Variants in ADIPOR2 observed in about 807,000 individuals in gnomAD.
ADIPOR2 encodes the protein adiponectin receptor protein 2.
A neutral mutation model predicts 40.9 loss-of-function variants in ADIPOR2; 18 were observed. The observed-to-expected ratio is 0.44, with a 90% CI of 0.30 to 0.65. ADIPOR2 has a LOEUF of 0.65. Among genes scored for constraint, ADIPOR2 ranks in the 30% least tolerant of loss-of-function variants. The pLI is 0.09. For missense variants in ADIPOR2, 283 were observed against 479.2 expected (o/e 0.59, Z 3.82); for synonymous variants, 165 against 166.4 (o/e 0.99, Z 0.06).
chr12:1,754,494 C>T lies in ADIPOR2; in HGVS notation c.151C>T (p.Leu51=). ...GGAGCCCATTTTAGAGGCATCTGTTCTATCTTCCCATCATAAAAAAGTAAG... is the reference window on the plus strand; with the variant it reads ...GGAGCCCATTTTAGAGGCATCTGTTTTATCTTCCCATCATAAAAAAGTAAG... ...DLEPILEASV[L]SSHHKKSSEE... is the part of the protein sequence containing the mutation. Residue 51 remains leucine (L), a synonymous_variant, in exon 2 of 8, where the codon CTA becomes TTA. Transcript: ENST00000357103. The T allele has an allele frequency of 1.2e-6, 2 of 1,607,714 alleles. No homozygotes were observed. The highest frequency in any genetic ancestry group is 1.3e-5 in the African/African-American group (1 of 74,658).
chr12:1,708,711 T>C (rs373454161), intron 1 of ADIPOR2, among the ~76,000 whole-genome samples: 6 of 152,140 alleles, frequency 3.9e-5, no homozygotes, highest in South Asian at 2.1e-4. Context: ...TGCATTGATT[T>C]GTATACCTAT....
intron 1 of ADIPOR2, among the ~76,000 whole-genome samples, chr12:1,723,547 G>A (rs192442988): frequency 2.4e-4 from 37 of 151,798 alleles, no homozygotes; most frequent in African/African-American, 7.7e-4. Flanking sequence ...GGAGACTGTC[G>A]GAAGAATTGC....
chr12:1,706,944 C>T (rs1283847446), intron 1 of ADIPOR2, among the ~76,000 whole-genome samples: 1 of 152,114 alleles, frequency 6.6e-6, no homozygotes, highest in Admixed American at 6.6e-5. Context: ...GGGCCAGGAT[C>T]ACACCACTGC....
chr12:1,725,208 G>A (rs771939306), intron 1 of ADIPOR2, among the ~76,000 whole-genome samples: 12 of 151,108 alleles, frequency 7.9e-5, no homozygotes, highest in African/African-American at 2.4e-4. Flanking sequence ...TGCAGCCTCC[G>A]CCTCCTGGGT....
At chr12:1,757,380 C>G in intron 2 of ADIPOR2, 1 of 717,048 alleles carries the variant, frequency 1.4e-6, no homozygotes, top group South Asian at 1.6e-5. Flanking sequence ...AAAGCTGTTT[C>G]CATTGGCATC....
At chr12:1,743,691 A>G (rs546771263) in intron 1 of ADIPOR2, among the ~76,000 whole-genome samples, 3 of 152,256 alleles carry the variant, frequency 2.0e-5, no homozygotes, top group Admixed American at 6.5e-5. Flanking sequence ...AAAAACCCAT[A>G]CAACTCAAAT....
At chr12:1,773,880 A>G (rs1045332721) in intron 3 of ADIPOR2, among the ~76,000 whole-genome samples, 1 of 152,194 alleles carries the variant, frequency 6.6e-6, no homozygotes, top group Non-Finnish European at 1.5e-5. Flanking sequence ...TGGACTTAGA[A>G]TGCTATTACT....
At chr12:1,776,596 G>A (rs1286449161) in intron 3 of ADIPOR2, among the ~76,000 whole-genome samples, 2 of 152,190 alleles carry the variant, frequency 1.3e-5, no homozygotes, top group Non-Finnish European at 2.9e-5. Context: ...GACATTAAAA[G>A]AAGCAGAGTG....
At chr12:1,713,480 A>G (rs1240451751) in intron 1 of ADIPOR2, among the ~76,000 whole-genome samples, 2 of 152,008 alleles carry the variant, frequency 1.3e-5, no homozygotes, top group Non-Finnish European at 2.9e-5. Context: ...ATTGCCTTTG[A>G]TAAGAAAAAG....
intron 2 of ADIPOR2, chr12:1,757,489 T>G: frequency 1.3e-6 from 1 of 744,076 alleles, no homozygotes; most frequent in East Asian, 2.5e-5. Context: ...ATGCATAGGT[T>G]ACCATTGTCA....
At chr12:1,708,786 CTT>C (rs2094669207) in intron 1 of ADIPOR2, among the ~76,000 whole-genome samples, 1 of 151,122 alleles carries the variant, frequency 6.6e-6, no homozygotes, top group Non-Finnish European at 1.5e-5. Flanking sequence ...GTGGCACAGT[CTT>C]GGGTCACTGC....
chr12:1,711,632 CTCTCTCTCTTTCTCTCTT>C (rs1034932743), intron 1 of ADIPOR2, among the ~76,000 whole-genome samples: 1 of 107,274 alleles, frequency 9.3e-6, no homozygotes, highest in Non-Finnish European at 2.1e-5. Context: ...CTCTCTCTCT[CTCTCTCTCTTTCTCTCTT>C]TCTGACTTCT....
intron 1 of ADIPOR2, among the ~76,000 whole-genome samples, chr12:1,716,021 T>C (rs1206478304): frequency 1.3e-5 from 2 of 152,142 alleles, no homozygotes; most frequent in Non-Finnish European, 2.9e-5. Flanking sequence ...TCACAGTAAA[T>C]CTTGCTGCTG....
chr12:1,700,635 G>A (rs531490721), intron 1 of ADIPOR2, among the ~76,000 whole-genome samples: 25 of 152,228 alleles, frequency 1.6e-4, no homozygotes, highest in Non-Finnish European at 4.4e-5. Flanking sequence ...GCTTGGCAGC[G>A]AGGGTAAAAA....
chr12:1,743,227 A>T (rs145322960), intron 1 of ADIPOR2, among the ~76,000 whole-genome samples: 1 of 118,532 alleles, frequency 8.4e-6, no homozygotes, highest in Non-Finnish European at 1.8e-5. Flanking sequence ...CCCCATCTCT[A>T]CCAAAAAAAA....
chr12:1,696,503 C>G (rs1422494272), intron 1 of ADIPOR2: 1 of 152,030 alleles, frequency 6.6e-6, no homozygotes, highest in Non-Finnish European at 1.5e-5. Flanking sequence ...TCAAGTGATC[C>G]TCCCACTTCA....
Position 1,734,079 on chromosome 12 carries a change from G to A in ADIPOR2, c.-86-20179G>A, listed in dbSNP as rs61618677. Among the ~76,000 whole-genome samples the A allele has an allele frequency of 6.7e-3, 1,025 of 152,034 alleles. 9 individuals are homozygous for A. The highest frequency in any genetic ancestry group is 0.023 in the African/African-American group (964 of 41,410). ...AGTGCCGCAATAAACATACGTTTGC[G>A]TGTGTCTTTATAGCAGCATGTTCTC... is the stretch of plus-strand genomic sequence containing the variant. On this transcript the variant is annotated intron_variant, in intron 1 of 7. Coordinates refer to ENST00000357103, the MANE Select transcript of ADIPOR2 (RefSeq NM_024551.3).
chr12:1,717,636 C>T (rs191431419), intron 1 of ADIPOR2, among the ~76,000 whole-genome samples: 5 of 151,748 alleles, frequency 3.3e-5, no homozygotes, highest in South Asian at 2.1e-4. Flanking sequence ...ACCTGGGAGG[C>T]GGAGGTTGTG....
At chr12:1,751,520 A>G (rs1383086481) in intron 1 of ADIPOR2, among the ~76,000 whole-genome samples, 1 of 151,874 alleles carries the variant, frequency 6.6e-6, no homozygotes, top group Non-Finnish European at 1.5e-5. Flanking sequence ...TTTCTTTTTT[A>G]TTACGAGATG....
Sources: gnomAD v4.1 joint callset for allele counts (sites outside exome capture counted in the v4.1 genomes callset) on GRCh38, gnomAD v4.1.1 for gene constraint, MANE v1.5 for transcripts, NCBI Gene and HGNC (gene_info 2026-07-23, HGNC 2026-07-21) for gene names.